Variants in CCSER1 observed in about 807,000 individuals in gnomAD.
CCSER1 encodes coiled-coil serine rich protein 1.
CCSER1 carries 41 observed loss-of-function variants against 82.0 expected under a neutral mutation model. The ratio of observed to expected loss-of-function variants is 0.50; its 90% CI spans 0.39 to 0.65. The LOEUF (loss-of-function observed/expected upper bound fraction) is 0.65. Among genes scored for constraint, CCSER1 ranks in the 30% least tolerant of loss-of-function variants. The pLI, the probability that CCSER1 is intolerant of heterozygous loss-of-function variation, is 0.00. For synonymous variants in CCSER1, 414 were observed against 383.9 expected, an observed-to-expected ratio of 1.08 and a Z score of -0.92; for missense variants, 1,119 against 1,064.2, an observed-to-expected ratio of 1.05 and a Z score of -0.72.
Position 91,432,344 on chromosome 4 carries a change from T to A in CCSER1, c.2218-166228T>A, listed in dbSNP as rs185276142. Among the ~76,000 whole-genome samples, 559 of 152,354 alleles carry A rather than the reference T, an allele frequency of 3.7e-3. 5 individuals are homozygous for A. Among genetic ancestry groups the A allele is most frequent in the Middle Eastern group, 0.034 (10 of 294 alleles). On this transcript the variant is annotated intron_variant, in intron 10 of 10. Coordinates refer to ENST00000509176, the MANE Select transcript of CCSER1 (RefSeq NM_001145065.2). ...TATTTATAGACATCTGTGAATAGAA[T>A]TATAGTACAAATAATACTATAATGA...
intron 5 of CCSER1, among the ~76,000 whole-genome samples, chr4:90,616,847 C>G (rs983531440): frequency 6.6e-6 from 1 of 152,034 alleles, no homozygotes; most frequent in African/African-American, 2.4e-5. Flanking sequence ...ATCCTCTAAT[C>G]AGTATGTATT....
intron 10 of CCSER1, among the ~76,000 whole-genome samples, chr4:91,212,990 A>G (rs543099328): frequency 2.0e-5 from 3 of 152,142 alleles, no homozygotes; most frequent in Admixed American, 2.0e-4. Context: ...AACACGTGGT[A>G]GTTTGTTTTC....
rs529356025 is a variant in CCSER1 at position 90,459,226 on chromosome 4, C to T, written c.1604-9008C>T. Among the ~76,000 whole-genome samples, 7 of 152,098 alleles carry T rather than the reference C, an allele frequency of 4.6e-5. No individual in the cohort carries two copies. In the South Asian group the frequency reaches 1.2e-3, roughly 27 times the overall value. Reference sequence around the variant, plus strand: ...GGAGGGAACCATAATGACAAGGTAACGTATTTTCCAGCATTAGAATTATTG... The same window carrying T: ...GGAGGGAACCATAATGACAAGGTAATGTATTTTCCAGCATTAGAATTATTG... On this transcript the variant is annotated intron_variant, in intron 4 of 10. Transcript: ENST00000509176.
At chr4:90,641,493 G>T (rs1726506414) in intron 6 of CCSER1, among the ~76,000 whole-genome samples, 1 of 151,892 alleles carries the variant, frequency 6.6e-6, no homozygotes, top group African/African-American at 2.4e-5. Context: ...GTTTTCTTAT[G>T]TATGTGAAAT....
At chr4:90,238,039 G>A (rs1005393490) in intron 1 of CCSER1, among the ~76,000 whole-genome samples, 2 of 152,174 alleles carry the variant, frequency 1.3e-5, no homozygotes, top group South Asian at 2.1e-4. Flanking sequence ...TTCAACAGCA[G>A]AAAGAGAATT....
chr4:90,716,069 A>G (rs1478516444), intron 6 of CCSER1, among the ~76,000 whole-genome samples: 1 of 151,224 alleles, frequency 6.6e-6, no homozygotes, highest in Non-Finnish European at 1.5e-5. Flanking sequence ...TATATATATT[A>G]CCCTATATGT....
At chr4:90,905,141 C>CAAAAAGCAAAAT (rs1725267526) in intron 8 of CCSER1, among the ~76,000 whole-genome samples, 1 of 152,200 alleles carries the variant, frequency 6.6e-6, no homozygotes, top group East Asian at 1.9e-4. Context: ...AGCATTTCCT[C>CAAAAAGCAAAAT]TAGACAATTG....
intron 9 of CCSER1, among the ~76,000 whole-genome samples, chr4:91,066,787 C>T (rs917218815): frequency 2.0e-5 from 3 of 152,110 alleles, no homozygotes; most frequent in African/African-American, 7.2e-5. Flanking sequence ...CATTCTATGT[C>T]TTTATATAAA....
chr4:91,595,552 A>G (rs1366374548), intron 10 of CCSER1, among the ~76,000 whole-genome samples: 2 of 152,138 alleles, frequency 1.3e-5, no homozygotes, highest in African/African-American at 4.8e-5. Context: ...GATTAAGGTA[A>G]CTACATTCCA....
At chr4:91,279,951 C>T (rs1742785354) in intron 10 of CCSER1, among the ~76,000 whole-genome samples, 2 of 152,076 alleles carry the variant, frequency 1.3e-5, no homozygotes, top group African/African-American at 4.8e-5. Flanking sequence ...GGATAAGGTG[C>T]TTTGGCTTTA....
At chr4:91,539,991 G>A (rs1761503696) in intron 10 of CCSER1, among the ~76,000 whole-genome samples, 1 of 152,080 alleles carries the variant, frequency 6.6e-6, no homozygotes, top group Non-Finnish European at 1.5e-5. Flanking sequence ...ATCTATGCAT[G>A]ATGGAACATA....
chr4:91,374,576 C>G (rs565718174), intron 10 of CCSER1, among the ~76,000 whole-genome samples: 2 of 152,310 alleles, frequency 1.3e-5, no homozygotes, highest in South Asian at 4.1e-4. Flanking sequence ...GACAATGTAC[C>G]TAGTCACCTA....
At chr4:90,199,687 T>G (rs1023630408) in intron 1 of CCSER1, among the ~76,000 whole-genome samples, 4 of 152,184 alleles carry the variant, frequency 2.6e-5, no homozygotes, top group Non-Finnish European at 2.9e-5. Flanking sequence ...GTATAATCCT[T>G]CTTCAGAACC....
At chr4:91,479,050 G>C (rs879561180) in intron 10 of CCSER1, among the ~76,000 whole-genome samples, 1 of 151,640 alleles carries the variant, frequency 6.6e-6, no homozygotes, top group Non-Finnish European at 1.5e-5. Context: ...CTATTCATTA[G>C]AGGGATAAGT....
intron 4 of CCSER1, among the ~76,000 whole-genome samples, chr4:90,403,124 A>G (rs565733041): frequency 3.5e-4 from 53 of 152,350 alleles, no homozygotes; most frequent in African/African-American, 1.3e-3. Flanking sequence ...AAACACGTTT[A>G]TATACTTTAG....
intron 4 of CCSER1, among the ~76,000 whole-genome samples, chr4:90,427,721 A>C (rs950428716): frequency 6.6e-6 from 1 of 151,574 alleles, no homozygotes; most frequent in Admixed American, 6.6e-5. Context: ...TGTAGATCTA[A>C]AATTCCACGT....
At chr4:91,498,232 A>T (rs962434861) in intron 10 of CCSER1, among the ~76,000 whole-genome samples, 1 of 151,980 alleles carries the variant, frequency 6.6e-6, no homozygotes, top group African/African-American at 2.4e-5. Flanking sequence ...AAGAAAATTT[A>T]GATATTTCAC....
At chr4:91,008,604 A>T (rs1176348333) in intron 9 of CCSER1, among the ~76,000 whole-genome samples, 1 of 152,170 alleles carries the variant, frequency 6.6e-6, no homozygotes, top group Non-Finnish European at 1.5e-5. Flanking sequence ...TGAGGCTAAA[A>T]TGGGTCTTTT....
At chr4:90,179,345 C>A (rs903191348) in intron 1 of CCSER1, among the ~76,000 whole-genome samples, 3 of 152,080 alleles carry the variant, frequency 2.0e-5, no homozygotes, top group Non-Finnish European at 2.9e-5. Flanking sequence ...AACTGCATGT[C>A]CTCATGTCTC....
Sources: allele counts gnomAD v4.1 joint callset (sites outside exome capture counted in the v4.1 genomes callset), GRCh38; gene constraint gnomAD v4.1.1; transcripts MANE v1.5; gene names NCBI Gene and HGNC (gene_info 2026-07-23, HGNC 2026-07-21).